PTPRD: variants seen among roughly 807,000 people sequenced by gnomAD.
The protein encoded by PTPRD is protein tyrosine phosphatase receptor type D.
In PTPRD, 34 loss-of-function variants were observed where a neutral mutation model predicts 214.5. That is an observed-to-expected ratio of 0.16 (90% confidence interval 0.12 to 0.21). The LOEUF (loss-of-function observed/expected upper bound fraction) is 0.21. Ranked by LOEUF, PTPRD falls within the 10% of genes least tolerant of loss-of-function variation. The pLI, the probability that PTPRD is intolerant of heterozygous loss-of-function variation, is 1.00. For synonymous variants in PTPRD, 1,128 were observed against 845.7 expected (o/e 1.33, Z -5.79); for missense variants, 2,545 against 2,398.7 (o/e 1.06, Z -1.27).
In PTPRD at chr9:10,583,652, G is replaced by A. The variant is rs773551959; in HGVS notation, c.-600+28746C>T. On this transcript the variant is annotated intron_variant, in intron 2 of 45. Coordinates refer to ENST00000381196, the MANE Select transcript of PTPRD (RefSeq NM_002839.4). ...CGCCACCACGCCCGGCTAATTTTTT[G>A]TATTTTTAGTAGAGACAGAGTTTCA... Among the ~76,000 whole-genome samples, 17 of 151,666 alleles carry A rather than the reference G, an allele frequency of 1.1e-4. 1 individual carries two copies. Among genetic ancestry groups the A allele is most frequent in the Admixed American group, 2.6e-4 (4 of 15,238 alleles).
intron 39 of PTPRD, among the ~76,000 whole-genome samples, chr9:8,354,426 A>C (rs2076460274): frequency 6.6e-6 from 1 of 152,228 alleles, no homozygotes; most frequent in African/African-American, 2.4e-5. Flanking sequence ...AAAAATTTAA[A>C]TAATAGTAAT....
chr9:10,148,068 C>G lies in PTPRD; in HGVS notation c.-544-114278G>C, dbSNP rs530756597. On this transcript the variant is annotated intron_variant, in intron 3 of 45. Transcript: ENST00000381196. The stretch of plus-strand genomic sequence containing the variant: ...CTTTCTAAATCCAGAGATTTTCTAC[C>G]TCATGCCCACCACCACCTTTCACTA... 1.6e-3 allele frequency among the ~76,000 whole-genome samples: 251 copies of G among 152,188 alleles called. 1 individual carries two copies. The highest frequency in any genetic ancestry group is 4.6e-3 in the African/African-American group (193 of 41,550).
Position 8,316,489 on chromosome 9 carries a change from C to T in PTPRD, c.*1385G>A, listed in dbSNP as rs951031600. On this transcript the variant is annotated 3_prime_UTR_variant, in exon 46 of 46. Transcript: ENST00000381196. ...CATATCATAAATGCAAATTTCATAG[C>T]ACATACTATAGACAATATACGATTG... is the stretch of plus-strand genomic sequence containing the variant. 3.5e-5 allele frequency: 8 copies of T among 230,118 alleles called. No individual in the cohort carries two copies. Among genetic ancestry groups the T allele is most frequent in the Admixed American group, 2.3e-4 (4 of 17,652 alleles). The allele number at this position is 230,118 out of a possible 1,614,324, so 14.3% of individuals were successfully genotyped here.
In PTPRD at chr9:9,127,629, T is replaced by C. The variant is rs554661781; in HGVS notation, c.-143+55675A>G. ...TTAACATGATAAAGTTAGATGTCTA[T>C]ACCACATTCAGATATATGCTAAATA... On this transcript the variant is annotated intron_variant, in intron 10 of 45. Coordinates refer to ENST00000381196, the MANE Select transcript of PTPRD (RefSeq NM_002839.4). Among the ~76,000 whole-genome samples, 9 of 152,304 alleles carry C rather than the reference T, an allele frequency of 5.9e-5. No homozygotes were observed. In the South Asian group the frequency reaches 1.0e-3, roughly 18 times the overall value.
chr9:8,485,897 G>A lies in PTPRD; in HGVS notation c.2920C>T (p.Pro974Ser), dbSNP rs765439647. ...GTGAGTGTCATAGTGGTGTCAGCTG[G>A]AACAATAAGCTGCTCCATCGGGAGA... Reference protein sequence around the residue: ...PLLPMEQLIVPADTTMTLTGL... With the variant: ...PLLPMEQLIVSADTTMTLTGL... Residue 974 changes from proline (P) to serine (S), a missense_variant, in exon 28 of 46, where the codon CCA (proline) becomes TCA (serine). Coordinates refer to ENST00000381196, the MANE Select transcript of PTPRD (RefSeq NM_002839.4). 5.0e-6 allele frequency: 8 copies of A among 1,614,018 alleles called. No homozygotes were observed. The highest frequency in any genetic ancestry group is 5.9e-6 in the Non-Finnish European group (7 of 1,180,018).
chr9:9,406,241 C>T (rs983121676), intron 8 of PTPRD, among the ~76,000 whole-genome samples: 1 of 151,890 alleles, frequency 6.6e-6, no homozygotes, highest in Non-Finnish European at 1.5e-5. Flanking sequence ...TTGTTTAGGC[C>T]ATTACTTTGA....
intron 10 of PTPRD, among the ~76,000 whole-genome samples, chr9:9,062,654 G>C (rs912626079): frequency 5.9e-5 from 9 of 152,150 alleles, no homozygotes; most frequent in African/African-American, 2.2e-4. Flanking sequence ...TAAGCAGGAA[G>C]AGTTGAATGT....
chr9:9,568,769 G>C (rs2085393350), intron 8 of PTPRD, among the ~76,000 whole-genome samples: 1 of 151,742 alleles, frequency 6.6e-6, no homozygotes, highest in Non-Finnish European at 1.5e-5. Context: ...TTGATGGGGT[G>C]ATAAGGATAT....
chr9:9,429,601 AAG>A (rs1435781828), intron 8 of PTPRD, among the ~76,000 whole-genome samples: 3 of 152,208 alleles, frequency 2.0e-5, no homozygotes, highest in Admixed American at 2.0e-4. Flanking sequence ...AAAACAAAAA[AAG>A]AGAATTTTAG....
chr9:9,987,895 G>A (rs2095778249), intron 4 of PTPRD, among the ~76,000 whole-genome samples: 1 of 152,096 alleles, frequency 6.6e-6, no homozygotes, highest in Non-Finnish European at 1.5e-5. Flanking sequence ...CAGAAGGAAT[G>A]TTATTTACTA....
At chr9:9,520,582 CTT>C (rs2096945639) in intron 8 of PTPRD, among the ~76,000 whole-genome samples, 1 of 152,112 alleles carries the variant, frequency 6.6e-6, no homozygotes, top group Admixed American at 6.6e-5. Flanking sequence ...TTCACAATAA[CTT>C]TCAAAGGCGC....
chr9:8,521,247 G>C (rs762998950), intron 20 of PTPRD, 30 bp downstream of exon 20: 7 of 1,588,830 alleles, frequency 4.4e-6, no homozygotes, highest in Non-Finnish European at 6.0e-6. Context: ...AGTGTACCCA[G>C]ATCCTCAAAG....
At chr9:10,113,776 A>T (rs192203791) in intron 3 of PTPRD, among the ~76,000 whole-genome samples, 265 of 152,336 alleles carry the variant, frequency 1.7e-3, no homozygotes, top group African/African-American at 6.1e-3. Context: ...TCATATTAAA[A>T]TGCAGCAGTG....
chr9:9,242,075 A>T, intron 9 of PTPRD, among the ~76,000 whole-genome samples: 1 of 151,952 alleles, frequency 6.6e-6, no homozygotes. Flanking sequence ...GCTTGTCTGT[A>T]AAGGATTTTA....
intron 2 of PTPRD, among the ~76,000 whole-genome samples, chr9:10,463,348 A>G: frequency 6.6e-6 from 1 of 152,184 alleles, no homozygotes; most frequent in East Asian, 1.9e-4. Context: ...AGCAGATGAT[A>G]CATATAAAAT....
intron 12 of PTPRD, among the ~76,000 whole-genome samples, chr9:8,674,292 T>C (rs2097353068): frequency 6.6e-6 from 1 of 151,860 alleles, no homozygotes. Flanking sequence ...ACCCCGTCTC[T>C]ACTAAAAACA....
chr9:9,817,589 G>A (rs573360814), intron 5 of PTPRD, among the ~76,000 whole-genome samples: 1 of 152,078 alleles, frequency 6.6e-6, no homozygotes, highest in African/African-American at 2.4e-5. Flanking sequence ...ATAAAAAACT[G>A]AATGTAAAAT....
intron 4 of PTPRD, among the ~76,000 whole-genome samples, chr9:9,978,322 T>G (rs1413372323): frequency 6.6e-6 from 1 of 152,028 alleles, no homozygotes; most frequent in Admixed American, 6.6e-5. Context: ...GAACATAGAT[T>G]AAAAGATGGG....
At chr9:8,468,619 G>C (rs142888199) in intron 31 of PTPRD, among the ~76,000 whole-genome samples, 1 of 151,758 alleles carries the variant, frequency 6.6e-6, no homozygotes, top group African/African-American at 2.4e-5. Context: ...TGAGGTATAC[G>C]TGTGGAAATC....
Sources: allele counts gnomAD v4.1 joint callset (sites outside exome capture counted in the v4.1 genomes callset), GRCh38; gene constraint gnomAD v4.1.1; transcripts MANE v1.5; gene names NCBI Gene and HGNC (gene_info 2026-07-23, HGNC 2026-07-21).